The following SNTB1 variants were observed in gnomAD, a reference collection of about 807,000 sequenced individuals.
The protein encoded by SNTB1 is beta-1-syntrophin.
SNTB1 carries 36 observed loss-of-function variants against 48.9 expected under a neutral mutation model. The ratio of observed to expected loss-of-function variants is 0.74; its 90% CI spans 0.56 to 0.97. The LOEUF (loss-of-function observed/expected upper bound fraction) is 0.97, where lower values mean the gene tolerates loss of function less well. Ranked by LOEUF, SNTB1 falls within the 50% of genes least tolerant of loss-of-function variation. The pLI is 0.00. For synonymous variants in SNTB1, 299 were observed against 294.6 expected (o/e 1.01, Z -0.15); for missense variants, 786 against 703.4 (o/e 1.12, Z -1.33).
intron 1 of SNTB1, among the ~76,000 whole-genome samples, chr8:120,742,761 A>C (rs1819061839): frequency 6.6e-6 from 1 of 152,156 alleles, no homozygotes; most frequent in African/African-American, 2.4e-5. Context: ...GGTATCTTTT[A>C]GATAGGGAAC....
At chr8:120,733,718 A>G (rs948110968) in intron 1 of SNTB1, among the ~76,000 whole-genome samples, 3 of 152,240 alleles carry the variant, frequency 2.0e-5, no homozygotes, top group Admixed American at 2.0e-4. Context: ...TAAGGAATGC[A>G]AAAGTTGATT....
chr8:120,703,692 A>G (rs1379860281), intron 1 of SNTB1, among the ~76,000 whole-genome samples: 1 of 152,230 alleles, frequency 6.6e-6, no homozygotes. Context: ...AAGAGGTCAC[A>G]GGCTGTATAC....
chr8:120,632,239 G>A (rs1222218987), intron 3 of SNTB1, among the ~76,000 whole-genome samples: 2 of 152,190 alleles, frequency 1.3e-5, no homozygotes, highest in African/African-American at 4.8e-5. Flanking sequence ...TTTGCCACAT[G>A]TTTGACTAAG....
intron 3 of SNTB1, among the ~76,000 whole-genome samples, chr8:120,612,067 T>C (rs985285417): frequency 1.3e-5 from 2 of 152,090 alleles, no homozygotes; most frequent in African/African-American, 2.4e-5. Context: ...GTAGTGTACA[T>C]CATGGTGCCT....
chr8:120,582,373 T>C (rs1563823316), intron 3 of SNTB1, among the ~76,000 whole-genome samples: 1 of 151,476 alleles, frequency 6.6e-6, no homozygotes, highest in East Asian at 1.9e-4. Flanking sequence ...CTTAACAAAC[T>C]AGAAATAGAA....
chr8:120,561,268 C>T (rs1398338658), intron 4 of SNTB1, among the ~76,000 whole-genome samples: 7 of 134,306 alleles, frequency 5.2e-5, no homozygotes, highest in African/African-American at 1.7e-4. Context: ...TGGAGTGAGC[C>T]GAGATTGCAC....
rs1385973855 is a variant in SNTB1, at chr8:120,632,492, G to A, written c.948C>T (p.Gly316=). ...GCCTAATCTCTCGGCTCCCAGCAATGCCTGTTTTCCCCAGCTGCTCTCTGA... is the reference window on the plus strand; with the variant it reads ...GCCTAATCTCTCGGCTCCCAGCAATACCTGTTTTCCCCAGCTGCTCTCTGA... The part of the protein sequence containing the change: ...AEVREQLGKT[G]IAGSREIRHL... Residue 316 remains glycine (G), a synonymous_variant, in exon 3 of 7, where the codon GGC becomes GGT. Transcript: ENST00000517992. The A allele has an allele frequency of 1.9e-6, 3 of 1,614,030 alleles. No individual in the cohort carries two copies. Among genetic ancestry groups the A allele is most frequent in the African/African-American group, 2.7e-5 (2 of 74,918 alleles).
intron 1 of SNTB1, among the ~76,000 whole-genome samples, chr8:120,723,648 T>G (rs541002411): frequency 6.6e-6 from 1 of 152,164 alleles, no homozygotes; most frequent in African/African-American, 2.4e-5. Context: ...CTGGTTCAGA[T>G]AGATAGGCGA....
chr8:120,548,913 C>T lies in SNTB1; in HGVS notation c.1182G>A (p.Val394=), dbSNP rs201759508. 1 of 1,607,608 alleles carries T rather than the reference C, an allele frequency of 6.2e-7. No individual in the cohort carries two copies. The highest frequency in any genetic ancestry group is 1.3e-5 in the African/African-American group (1 of 74,714). ...GPGKGSPQAG[V]DLSFATRTGT... The stretch of plus-strand genomic sequence containing the variant: ...CAGTTCGCGTTGCAAAGGACAGATC[C>T]ACACCAGCCTGGGGTGATCCCTTTC... The change falls in exon 5 of 7, where the codon GTG becomes GTA. Residue 394 remains valine, a synonymous_variant. Coordinates refer to ENST00000517992, the MANE Select transcript of SNTB1 (RefSeq NM_021021.4).
At chr8:120,747,260 A>C (rs1819140499) in intron 1 of SNTB1, among the ~76,000 whole-genome samples, 1 of 152,192 alleles carries the variant, frequency 6.6e-6, no homozygotes, top group Non-Finnish European at 1.5e-5. Context: ...TAATGCAGGA[A>C]CAGAAAACCA....
chr8:120,709,275 GA>G (rs1014597675), intron 1 of SNTB1, among the ~76,000 whole-genome samples: 21 of 152,120 alleles, frequency 1.4e-4, no homozygotes, highest in Non-Finnish European at 1.9e-4. Context: ...TAAAATCAGG[GA>G]AACTACCTTG....
intron 4 of SNTB1, among the ~76,000 whole-genome samples, chr8:120,557,318 T>C (rs369742379): frequency 6.6e-6 from 1 of 152,350 alleles, no homozygotes; most frequent in East Asian, 1.9e-4. Flanking sequence ...CAAAGCCATC[T>C]CTGGACCTTG....
At chr8:120,576,300 C>A (rs1006743712) in intron 3 of SNTB1, among the ~76,000 whole-genome samples, 1 of 152,200 alleles carries the variant, frequency 6.6e-6, no homozygotes, top group African/African-American at 2.4e-5. Flanking sequence ...ACTCAAAAAT[C>A]TATTCAGAAT....
chr8:120,583,223 G>T (rs1006161450), intron 3 of SNTB1, among the ~76,000 whole-genome samples: 2 of 152,276 alleles, frequency 1.3e-5, no homozygotes, highest in East Asian at 3.9e-4. Flanking sequence ...TGGAACAGCT[G>T]GGGATGGTTG....
At chr8:120,689,726 A>C (rs1002344795) in intron 2 of SNTB1, among the ~76,000 whole-genome samples, 46 of 152,168 alleles carry the variant, frequency 3.0e-4, no homozygotes, top group African/African-American at 1.1e-3. Context: ...GAGTTATTTT[A>C]CAGAGAGCTT....
chr8:120,631,164 A>T (rs755309854), intron 3 of SNTB1, among the ~76,000 whole-genome samples: 6 of 152,210 alleles, frequency 3.9e-5, no homozygotes, highest in Non-Finnish European at 7.3e-5. Context: ...ATTTGGAGAG[A>T]GTAGAAAGTG....
chr8:120,735,546 T>C (rs1255902272), intron 1 of SNTB1, among the ~76,000 whole-genome samples: 1 of 152,148 alleles, frequency 6.6e-6, no homozygotes, highest in African/African-American at 2.4e-5. Flanking sequence ...GTCCTTATTA[T>C]AAAGTGTTAT....
At chr8:120,808,490 AAGAT>A (rs1385601398) in intron 1 of SNTB1, among the ~76,000 whole-genome samples, 2 of 152,348 alleles carry the variant, frequency 1.3e-5, no homozygotes, top group East Asian at 3.9e-4. Flanking sequence ...GTAAAGGAAA[AAGAT>A]AGAACTGTCC....
chr8:120,736,120 G>T (rs1056932493), intron 1 of SNTB1, among the ~76,000 whole-genome samples: 1 of 152,116 alleles, frequency 6.6e-6, no homozygotes, highest in East Asian at 1.9e-4. Context: ...GAGAAGTGCC[G>T]AGTGACAGTG....
Sources: allele counts gnomAD v4.1 joint callset (sites outside exome capture counted in the v4.1 genomes callset), GRCh38; gene constraint gnomAD v4.1.1; transcripts MANE v1.5; gene names NCBI Gene and HGNC (gene_info 2026-07-23, HGNC 2026-07-21).